Variants in KSR1 observed in about 807,000 individuals in gnomAD.
KSR1 encodes the protein kinase suppressor of ras 1.
A neutral mutation model predicts 92.9 loss-of-function variants in KSR1; 35 were observed. The observed-to-expected ratio is 0.38, with a 90% CI of 0.29 to 0.50. The LOEUF (loss-of-function observed/expected upper bound fraction) is 0.50, where lower values mean the gene tolerates loss of function less well. Ranked by LOEUF, KSR1 falls within the 20% of genes least tolerant of loss-of-function variation. The pLI is 0.94. For synonymous variants in KSR1, 467 were observed against 472.6 expected (o/e 0.99, Z 0.15); for missense variants, 972 against 1,158.5 (o/e 0.84, Z 2.34).
chr17:27,549,856 T>C (rs577102508), intron 1 of KSR1, among the ~76,000 whole-genome samples: 9 of 152,180 alleles, frequency 5.9e-5, no homozygotes, highest in Non-Finnish European at 1.3e-4. Context: ...ATGGAGACTT[T>C]TATAGGGGGT....
At position 27,626,170 on chromosome 17, in the gene KSR1, A is replaced by T. The variant is rs2074335994; in HGVS notation, c.*2778A>T. 1 of 152,222 alleles carries T rather than the reference A, an allele frequency of 6.6e-6. No individual in the cohort carries two copies. Among genetic ancestry groups the T allele is most frequent in the Non-Finnish European group, 1.5e-5 (1 of 68,054 alleles). The allele number at this position is 152,222 out of a possible 1,614,324, so 9.4% of individuals were successfully genotyped here. ...GTGCTATGCAGCAGTGTTAGCCAGGATCTCATCAGCGTGCAAACCTAGCAT... is the reference window on the plus strand; with the variant it reads ...GTGCTATGCAGCAGTGTTAGCCAGGTTCTCATCAGCGTGCAAACCTAGCAT... On this transcript the variant is annotated 3_prime_UTR_variant, in exon 21 of 21. Coordinates refer to ENST00000644974, the MANE Select transcript of KSR1 (RefSeq NM_001394583.1).
chr17:27,543,064 T>G (rs1029698750), intron 1 of KSR1, among the ~76,000 whole-genome samples: 1 of 152,234 alleles, frequency 6.6e-6, no homozygotes, highest in Non-Finnish European at 1.5e-5. Flanking sequence ...TGCCTGTCAC[T>G]GCTGCACTTC....
At chr17:27,582,202 A>T (rs1299214809) in intron 3 of KSR1, among the ~76,000 whole-genome samples, 1 of 152,156 alleles carries the variant, frequency 6.6e-6, no homozygotes. Context: ...ACAGAGATCC[A>T]GGTTGAGTAT....
At chr17:27,472,558 C>T (rs2020070525) in intron 1 of KSR1, among the ~76,000 whole-genome samples, 1 of 152,206 alleles carries the variant, frequency 6.6e-6, no homozygotes, top group Admixed American at 6.5e-5. Context: ...CCTGTAATCC[C>T]AGCACTTTGG....
At position 27,617,820 on chromosome 17, in the gene KSR1, G is replaced by T. The variant is rs1457997627; in HGVS notation, c.2627+392G>T. 1.7e-4 allele frequency: 36 copies of T among 217,620 alleles called. No individual in the cohort carries two copies. In the Admixed American group the frequency reaches 1.9e-3, roughly 11 times the overall value. The allele number at this position is 217,620 out of a possible 1,614,324, so 13.5% of individuals were successfully genotyped here. A position where few individuals can be genotyped will look rare whatever the true frequency, so the allele number is the denominator to read the frequency against. ...TGGGATTACGGGCATGAGTCACCAT[G>T]CCTGGCCTCTGCCCAGGAGTTTGAT... On this transcript the variant is annotated intron_variant, in intron 19 of 20. Coordinates refer to ENST00000644974, the MANE Select transcript of KSR1 (RefSeq NM_001394583.1).
chr17:27,588,422 A>T, intron 5 of KSR1, 53 bp from the exon 6 acceptor site: 1 of 1,508,394 alleles, frequency 6.6e-7, no homozygotes. Context: ...CATGGGCACG[A>T]GCTGTCGCCT....
chr17:27,517,836 G>A (rs1301099961), intron 1 of KSR1, among the ~76,000 whole-genome samples: 2 of 152,198 alleles, frequency 1.3e-5, no homozygotes, highest in East Asian at 3.8e-4. Context: ...CCTATGTTAT[G>A]TAATTGTGGG....
chr17:27,508,651 G>C (rs1416461618), intron 1 of KSR1, among the ~76,000 whole-genome samples: 1 of 152,098 alleles, frequency 6.6e-6, no homozygotes, highest in Non-Finnish European at 1.5e-5. Flanking sequence ...ACAAACACAG[G>C]CTTGAGATTC....
At chr17:27,468,886 C>A (rs187372424) in intron 1 of KSR1, among the ~76,000 whole-genome samples, 1 of 152,134 alleles carries the variant, frequency 6.6e-6, no homozygotes, top group Admixed American at 6.6e-5. Context: ...GAGTTTTTAA[C>A]GAAGCAGGGC....
At chr17:27,490,670 TAGG>T in intron 1 of KSR1, among the ~76,000 whole-genome samples, 1 of 152,318 alleles carries the variant, frequency 6.6e-6, no homozygotes, top group South Asian at 2.1e-4. Context: ...GTTGTACAAA[TAGG>T]TACTGCCTTT....
intron 1 of KSR1, among the ~76,000 whole-genome samples, chr17:27,484,294 C>T (rs2068600128): frequency 6.6e-6 from 1 of 152,240 alleles, no homozygotes; most frequent in Non-Finnish European, 1.5e-5. Context: ...TGCAGTGGCA[C>T]AATTTCGGCT....
At position 27,588,541 on chromosome 17, in the gene KSR1, C is replaced by A; in HGVS notation, c.1046+6C>A. The A allele has an allele frequency of 6.3e-7, 1 of 1,588,724 alleles. No homozygotes were observed. The highest frequency in any genetic ancestry group is 2.3e-5 in the East Asian group (1 of 43,864). Reference sequence around the variant, plus strand: ...GGGCTGTCGGTGACGCACAGGTAGGCACAGCGGGCCTGGAGGGGGAGCAGG... The same window carrying A: ...GGGCTGTCGGTGACGCACAGGTAGGAACAGCGGGCCTGGAGGGGGAGCAGG... On this transcript the variant is annotated splice_donor_region_variant and intron_variant, in intron 6 of 20. Coordinates refer to ENST00000644974, the MANE Select transcript of KSR1 (RefSeq NM_001394583.1).
chr17:27,592,466 G>A (rs771089015), intron 8 of KSR1, 44 bp downstream of exon 8: 1 of 1,612,684 alleles, frequency 6.2e-7, no homozygotes. Context: ...GGATTTGGGT[G>A]AATCTTTAGC....
intron 1 of KSR1, among the ~76,000 whole-genome samples, chr17:27,457,834 C>T (rs1479705543): frequency 6.6e-6 from 1 of 152,130 alleles, no homozygotes; most frequent in East Asian, 1.9e-4. Flanking sequence ...CCATCTTGCC[C>T]TGCCACATCT....
intron 3 of KSR1, among the ~76,000 whole-genome samples, chr17:27,580,458 C>G (rs1233915696): frequency 6.6e-6 from 1 of 152,130 alleles, no homozygotes; most frequent in African/African-American, 2.4e-5. Flanking sequence ...AATTCATCCC[C>G]CCTATTCTTG....
At chr17:27,485,601 C>G (rs1300328955) in intron 1 of KSR1, among the ~76,000 whole-genome samples, 3 of 151,888 alleles carry the variant, frequency 2.0e-5, no homozygotes, top group Admixed American at 2.0e-4. Flanking sequence ...GTGGTTTGTC[C>G]ACCATCAGTG....
At chr17:27,548,942 A>G (rs1253937464) in intron 1 of KSR1, among the ~76,000 whole-genome samples, 2 of 152,204 alleles carry the variant, frequency 1.3e-5, no homozygotes, top group South Asian at 2.1e-4. Context: ...TATTTGTATT[A>G]TACTTAATGG....
At chr17:27,486,893 G>A (rs1345121377) in intron 1 of KSR1, among the ~76,000 whole-genome samples, 1 of 152,204 alleles carries the variant, frequency 6.6e-6, no homozygotes, top group Non-Finnish European at 1.5e-5. Context: ...AGGACATTCA[G>A]ACCCTCTGCG....
chr17:27,606,116 CAAAA>C (rs2151233370), intron 14 of KSR1, among the ~76,000 whole-genome samples: 1 of 151,978 alleles, frequency 6.6e-6, no homozygotes, highest in African/African-American at 2.4e-5. Flanking sequence ...GCTGTCTCTA[CAAAA>C]AAATTAGCTG....
Sources: gnomAD v4.1 joint callset for allele counts (sites outside exome capture counted in the v4.1 genomes callset) on GRCh38, gnomAD v4.1.1 for gene constraint, MANE v1.5 for transcripts, NCBI Gene and HGNC (gene_info 2026-07-23, HGNC 2026-07-21) for gene names.